ZMAT4: variants seen among roughly 807,000 people sequenced by gnomAD.
ZMAT4 encodes zinc finger matrin-type protein 4.
Under a neutral mutation model 28.7 loss-of-function variants are expected in ZMAT4, and 17 were observed. The observed-to-expected ratio is 0.59, with a 90% confidence interval of 0.41 to 0.89. The LOEUF is 0.89. Among genes scored for constraint, ZMAT4 ranks in the 40% least tolerant of loss-of-function variants. The pLI is 0.00. For missense variants in ZMAT4, 240 were observed against 283.8 expected (o/e 0.85, Z 1.11); for synonymous variants, 117 against 109.2 (o/e 1.07, Z -0.44).
At chr8:40,575,212 C>T (rs1804221584) in intron 6 of ZMAT4, among the ~76,000 whole-genome samples, 2 of 152,134 alleles carry the variant, frequency 1.3e-5, no homozygotes, top group South Asian at 2.1e-4. Context: ...GATAGTCTTC[C>T]CTAGCACCAC....
chr8:40,768,512 T>C (rs914368270), intron 2 of ZMAT4, among the ~76,000 whole-genome samples: 1 of 152,180 alleles, frequency 6.6e-6, no homozygotes, highest in Non-Finnish European at 1.5e-5. Context: ...TTCAAGTTTC[T>C]ACCTGAGGCA....
intron 6 of ZMAT4, among the ~76,000 whole-genome samples, chr8:40,559,367 A>G (rs929990327): frequency 3.9e-5 from 6 of 152,150 alleles, no homozygotes; most frequent in Admixed American, 6.5e-5. Flanking sequence ...CACATGTAAC[A>G]TGCATGTTTG....
At chr8:40,637,449 T>C (rs1806837005) in intron 5 of ZMAT4, among the ~76,000 whole-genome samples, 1 of 152,146 alleles carries the variant, frequency 6.6e-6, no homozygotes, top group South Asian at 2.1e-4. Flanking sequence ...CTGGACAAAG[T>C]GACTTCAACC....
At chr8:40,603,795 A>AT (rs954939375) in intron 5 of ZMAT4, among the ~76,000 whole-genome samples, 9 of 151,434 alleles carry the variant, frequency 5.9e-5, no homozygotes, top group East Asian at 3.9e-4. Context: ...TGTCCAGCTA[A>AT]TTTTTTTTGT....
intron 5 of ZMAT4, among the ~76,000 whole-genome samples, chr8:40,630,389 C>T (rs775601737): frequency 5.9e-5 from 9 of 152,172 alleles, no homozygotes; most frequent in Admixed American, 2.6e-4. Flanking sequence ...CATATATATC[C>T]TATGTGGAAG....
chr8:40,557,232 A>T (rs1803571979), intron 6 of ZMAT4, among the ~76,000 whole-genome samples: 1 of 152,192 alleles, frequency 6.6e-6, no homozygotes, highest in Non-Finnish European at 1.5e-5. Context: ...TATGGAATCA[A>T]CCTAAATGTC....
At chr8:40,718,649 C>G (rs940758593) in intron 3 of ZMAT4, among the ~76,000 whole-genome samples, 2 of 152,128 alleles carry the variant, frequency 1.3e-5, no homozygotes, top group Non-Finnish European at 2.9e-5. Flanking sequence ...GCTCACCCAG[C>G]CTCCTTCTTC....
chr8:40,666,845 A>G (rs1808435627), intron 5 of ZMAT4, among the ~76,000 whole-genome samples: 1 of 152,184 alleles, frequency 6.6e-6, no homozygotes, highest in Non-Finnish European at 1.5e-5. Context: ...TTGCAACAAT[A>G]TGAGAAAGCA....
chr8:40,833,699 C>T (rs1226695819), intron 1 of ZMAT4, among the ~76,000 whole-genome samples: 1 of 152,126 alleles, frequency 6.6e-6, no homozygotes, highest in Non-Finnish European at 1.5e-5. Context: ...TTCATTCACA[C>T]ACCACCTGGG....
At chr8:40,651,482 C>T (rs1191125946) in intron 5 of ZMAT4, among the ~76,000 whole-genome samples, 11 of 150,308 alleles carry the variant, frequency 7.3e-5, no homozygotes, top group Non-Finnish European at 1.5e-4. Context: ...AAATCAATAT[C>T]GTGAAAATGG....
At chr8:40,727,935 C>T (rs1483366451) in intron 3 of ZMAT4, among the ~76,000 whole-genome samples, 3 of 151,922 alleles carry the variant, frequency 2.0e-5, no homozygotes, top group Non-Finnish European at 4.4e-5. Context: ...AATTTTTATG[C>T]AAAGAATATG....
intron 3 of ZMAT4, among the ~76,000 whole-genome samples, chr8:40,737,812 A>ATTT (rs34256692): frequency 6.8e-6 from 1 of 146,510 alleles, no homozygotes; most frequent in African/African-American, 2.5e-5. Flanking sequence ...TCCTTTGCTT[A>ATTT]TTTTTTTTTT....
chr8:40,557,287 T>G (rs2118448044), intron 6 of ZMAT4, among the ~76,000 whole-genome samples: 1 of 152,288 alleles, frequency 6.6e-6, no homozygotes, highest in Admixed American at 6.5e-5. Flanking sequence ...TAGAATACTC[T>G]TCAGCCATAA....
At chr8:40,835,289 A>G (rs1816435127) in intron 1 of ZMAT4, among the ~76,000 whole-genome samples, 1 of 152,210 alleles carries the variant, frequency 6.6e-6, no homozygotes, top group African/African-American at 2.4e-5. Context: ...AGAAAATATG[A>G]GGGAATAAAA....
intron 5 of ZMAT4, among the ~76,000 whole-genome samples, chr8:40,642,932 A>G (rs1031113546): frequency 4.6e-5 from 7 of 152,220 alleles, no homozygotes; most frequent in Non-Finnish European, 1.0e-4. Flanking sequence ...GAGTAAAAAA[A>G]GGGTATGAGG....
intron 3 of ZMAT4, among the ~76,000 whole-genome samples, chr8:40,730,791 T>C (rs1811503797): frequency 6.6e-6 from 1 of 152,222 alleles, no homozygotes. Context: ...TCCTGGAATC[T>C]GTTTCCCCAT....
chr8:40,626,815 G>T (rs1382199444), intron 5 of ZMAT4, among the ~76,000 whole-genome samples: 1 of 152,186 alleles, frequency 6.6e-6, no homozygotes, highest in Non-Finnish European at 1.5e-5. Flanking sequence ...GGGGAGGGGG[G>T]CTGGAGGTGG....
At chr8:40,610,659 G>A (rs1169631047) in intron 5 of ZMAT4, among the ~76,000 whole-genome samples, 1 of 151,894 alleles carries the variant, frequency 6.6e-6, no homozygotes, top group African/African-American at 2.4e-5. Flanking sequence ...TTCTCTGCTT[G>A]GGAAAAGTGC....
In ZMAT4 at chr8:40,615,720, G is replaced by A. The variant is rs549709210; in HGVS notation, c.578-34459C>T. Reference sequence around the variant, plus strand: ...ACCCTTTCTTCCAGTTGATCGAATCGGATACTGAAACTTGTGCATTCATCA... The same window carrying A: ...ACCCTTTCTTCCAGTTGATCGAATCAGATACTGAAACTTGTGCATTCATCA... On this transcript the variant is annotated intron_variant, in intron 5 of 6. Transcript: ENST00000297737. Among the ~76,000 whole-genome samples, 43 of 152,030 alleles carry A rather than the reference G, an allele frequency of 2.8e-4. No individual in the cohort carries two copies. The South Asian group carries it at 7.5e-3, about 26-fold the overall frequency.
Sources: gnomAD v4.1 joint callset for allele counts (sites outside exome capture counted in the v4.1 genomes callset) on GRCh38, gnomAD v4.1.1 for gene constraint, MANE v1.5 for transcripts, NCBI Gene and HGNC (gene_info 2026-07-23, HGNC 2026-07-21) for gene names.